Variants in PRDM2 observed in about 807,000 individuals in gnomAD.
The protein encoded by PRDM2 is PR domain zinc finger protein 2.
PRDM2 carries 30 observed loss-of-function variants against 130.0 expected under a neutral mutation model. The observed-to-expected ratio is 0.23, with a 90% CI of 0.17 to 0.31. PRDM2 has a LOEUF of 0.31. Ranked by LOEUF, PRDM2 falls within the 10% of genes least tolerant of loss-of-function variation. PRDM2 has a pLI of 1.00. For synonymous variants in PRDM2, 871 were observed against 782.4 expected, an observed-to-expected ratio of 1.11 and a Z score of -1.89; for missense variants, 2,011 against 2,108.4, an observed-to-expected ratio of 0.95 and a Z score of 0.90.
Position 13,771,547 on chromosome 1 carries a change from T to G in PRDM2, c.512-1531T>G, listed in dbSNP as rs1203671. Among the ~76,000 whole-genome samples, 26,466 of 152,044 alleles carry G rather than the reference T, an allele frequency of 0.17. 2,902 individuals are homozygous for G. Among genetic ancestry groups the G allele is most frequent in the Admixed American group, 0.24 (3,689 of 15,270 alleles). On this transcript the variant is annotated intron_variant, in intron 6 of 9. Coordinates refer to ENST00000311066, the MANE Select transcript of PRDM2 (RefSeq NM_001393986.1). This position sits in a 1 kb window ranked among gnomAD's most constrained non-coding sequence, Gnocchi z 4.1. ...GAGATCGAGACCATCCTGGCTAAGA[T>G]GGTGAAACCCCGTCTCTACTAAAAT...
At chr1:13,816,988 CA>C (rs1389485587) in intron 9 of PRDM2, among the ~76,000 whole-genome samples, 1 of 152,218 alleles carries the variant, frequency 6.6e-6, no homozygotes, top group Non-Finnish European at 1.5e-5. Flanking sequence ...TAATTATACT[CA>C]GTTCTTAATT....
intron 2 of PRDM2, among the ~76,000 whole-genome samples, chr1:13,724,061 G>A (rs1469279242): frequency 6.6e-6 from 1 of 152,164 alleles, no homozygotes; most frequent in African/African-American, 2.4e-5. Context: ...AGGATAGTGG[G>A]GACTAGCTTC....
At chr1:13,710,779 G>T (rs1642344139) in intron 1 of PRDM2, among the ~76,000 whole-genome samples, 1 of 152,138 alleles carries the variant, frequency 6.6e-6, no homozygotes, top group Non-Finnish European at 1.5e-5. Flanking sequence ...GCACTTAATT[G>T]TTTAGCACTT....
At chr1:13,708,596 G>A (rs960232285) in intron 1 of PRDM2, among the ~76,000 whole-genome samples, 9 of 152,288 alleles carry the variant, frequency 5.9e-5, no homozygotes, top group African/African-American at 2.2e-4. Context: ...CAGGGCCTGC[G>A]ATAGTTGTCT....
intron 1 of PRDM2, among the ~76,000 whole-genome samples, chr1:13,702,059 CAG>C (rs1274174773): frequency 1.3e-5 from 2 of 152,232 alleles, no homozygotes; most frequent in African/African-American, 2.4e-5. Flanking sequence ...AAAGAAGAAA[CAG>C]AAATTGGGCA....
intron 8 of PRDM2, among the ~76,000 whole-genome samples, chr1:13,805,990 T>G (rs748864518): frequency 2.6e-4 from 40 of 152,120 alleles, no homozygotes; most frequent in Admixed American, 2.0e-3. Flanking sequence ...GGTTCCTGCC[T>G]CCAGTGTCTC....
chr1:13,782,455 A>G lies in PRDM2; in HGVS notation c.4660A>G (p.Lys1554Glu). The change falls in exon 8 of 10, where the codon AAG (lysine) becomes GAG (glutamate). Residue 1554 changes from lysine (K) to glutamate (E), a missense_variant. Physicochemically the swap from Lys to Glu is moderately conservative, Grantham distance 56. This residue lies in a region of PRDM2 where 410 missense variants were observed against 395.9 expected (regional missense o/e 1.04). Transcript: ENST00000311066. ...ACTTCCCTCCTCATCCTTCAGGTCCAAGCAGAACGTCAAGTTTGCAGCTTC... is the reference window on the plus strand; with the variant it reads ...ACTTCCCTCCTCATCCTTCAGGTCCGAGCAGAACGTCAAGTTTGCAGCTTC... ...VPLPSSSFRS[K>E]QNVKFAASVK... 6.2e-7 allele frequency: 1 copy of G among 1,614,026 alleles called. No individual in the cohort carries two copies. Among genetic ancestry groups the G allele is most frequent in the Non-Finnish European group, 8.5e-7 (1 of 1,180,008 alleles).
Position 13,817,658 on chromosome 1 carries a change from A to G in PRDM2, c.*23+1088A>G, listed in dbSNP as rs570902067. Among the ~76,000 whole-genome samples, 55 of 151,820 alleles carry G rather than the reference A, an allele frequency of 3.6e-4. 2 individuals are homozygous for G. Among genetic ancestry groups the G allele is most frequent in the African/African-American group, 1.2e-3 (49 of 41,408 alleles). On this transcript the variant is annotated intron_variant, in intron 9 of 9. Coordinates refer to ENST00000311066, the MANE Select transcript of PRDM2 (RefSeq NM_001393986.1). ...GTACAAAATGGCCAAAAAGGCTCAA[A>G]TCCCATTTACTGGACTATAGTACGA...
At chr1:13,773,339 C>G (rs1644398847) in intron 7 of PRDM2, 151 bp downstream of exon 7, 1 of 443,156 alleles carries the variant, frequency 2.3e-6, no homozygotes, top group Non-Finnish European at 4.0e-6. Flanking sequence ...ATGTGGTAAG[C>G]TGAGCCTTCT....
chr1:13,808,221 G>A (rs1476393992), intron 8 of PRDM2, among the ~76,000 whole-genome samples: 1 of 152,162 alleles, frequency 6.6e-6, no homozygotes, highest in Non-Finnish European at 1.5e-5. Context: ...GCCGGGCGCG[G>A]TGGCTCACGC....
In PRDM2 at chr1:13,700,670, C is replaced by A. The variant is rs2100365545; in HGVS notation, c.-66+370C>A. 2.0e-5 allele frequency among the ~76,000 whole-genome samples: 3 copies of A among 151,856 alleles called. 1 individual carries two copies. In the Middle Eastern group the frequency reaches 0.01, roughly 520 times the overall value. ...GCGGCGGTGGGGCCACCTGGGGCCCCACGTGGGGCCGGGCGCCGTCCCAAT... is the reference window on the plus strand; with the variant it reads ...GCGGCGGTGGGGCCACCTGGGGCCCAACGTGGGGCCGGGCGCCGTCCCAAT... On this transcript the variant is annotated intron_variant, in intron 1 of 9. Coordinates refer to ENST00000311066, the MANE Select transcript of PRDM2 (RefSeq NM_001393986.1).
At chr1:13,774,138 G>A (rs1339930455) in intron 7 of PRDM2, among the ~76,000 whole-genome samples, 4 of 152,154 alleles carry the variant, frequency 2.6e-5, no homozygotes, top group African/African-American at 4.8e-5. Context: ...CTGCCACGAC[G>A]TAAGAATCCA....
In PRDM2 at chr1:13,723,983, C is replaced by T. The variant is rs142959888; in HGVS notation, c.10-7017C>T. On this transcript the variant is annotated intron_variant, in intron 2 of 9. Coordinates refer to ENST00000311066, the MANE Select transcript of PRDM2 (RefSeq NM_001393986.1). ...CCAACCAGGAAGGGCTTTCACAATA[C>T]ACAGGGCACACTGTTGCAAGTTGTG... Among the ~76,000 whole-genome samples the T allele has an allele frequency of 3.6e-3, 547 of 152,338 alleles. 1 individual carries two copies. The highest frequency in any genetic ancestry group is 6.1e-3 in the Non-Finnish European group (417 of 68,030).
chr1:13,779,862 A>T lies in PRDM2; in HGVS notation c.2067A>T (p.Ser689=). 6.2e-7 allele frequency: 1 copy of T among 1,613,464 alleles called. No homozygotes were observed. The highest frequency in any genetic ancestry group is 1.3e-5 in the African/African-American group (1 of 74,686). The stretch of plus-strand genomic sequence containing the variant: ...AAGAGAAAAGTGTTTATTTGTCATC[A>T]AAGCTCAAACAACTTCTTCAAACCC... ...FHKEKSVYLS[S]KLKQLLQTQD... Residue 689 remains serine, a synonymous_variant, in exon 8 of 10, where the codon TCA becomes TCT. Transcript: ENST00000311066. This position sits in a 1 kb window ranked among gnomAD's most constrained non-coding sequence, Gnocchi z 4.9.
intron 8 of PRDM2, among the ~76,000 whole-genome samples, chr1:13,807,942 A>G (rs2281161): frequency 0.86 from 131,443 of 152,162 alleles, 57,122 homozygotes; most frequent in African/African-American, 0.96. Context: ...TTCCCCGTCC[A>G]TACAGATTGG....
At chr1:13,768,665 T>A (rs2100615526) in intron 6 of PRDM2, among the ~76,000 whole-genome samples, 1 of 152,342 alleles carries the variant, frequency 6.6e-6, no homozygotes, top group African/African-American at 2.4e-5. Context: ...ATTACAGGTG[T>A]GACCCACTGC....
At chr1:13,810,033 G>T (rs545166867) in intron 8 of PRDM2, among the ~76,000 whole-genome samples, 42 of 152,156 alleles carry the variant, frequency 2.8e-4, no homozygotes, top group African/African-American at 1.0e-3. Flanking sequence ...CGTCATGAAT[G>T]TCCCATCCTC....
chr1:13,791,983 T>C (rs949525920), intron 8 of PRDM2, among the ~76,000 whole-genome samples: 10 of 152,174 alleles, frequency 6.6e-5, no homozygotes, highest in African/African-American at 2.4e-4. Context: ...TAATAAACCA[T>C]GGCAGGAAGT....
chr1:13,749,824 C>T (rs541430424), intron 6 of PRDM2, among the ~76,000 whole-genome samples: 12 of 152,208 alleles, frequency 7.9e-5, no homozygotes, highest in East Asian at 3.9e-4. Context: ...GCCGGACGTT[C>T]CCCCGCTGGC....
Sources: allele counts gnomAD v4.1 joint callset (sites outside exome capture counted in the v4.1 genomes callset), GRCh38; gene constraint gnomAD v4.1.1; regional missense constraint gnomAD v4.1.1; non-coding constraint Gnocchi (gnomAD v3.1); transcripts MANE v1.5; gene names NCBI Gene and HGNC (gene_info 2026-07-23, HGNC 2026-07-21).